Variants in SLC48A1 observed in about 807,000 individuals in gnomAD.
SLC48A1 encodes the protein solute carrier family 48 member 1.
A neutral mutation model predicts 14.8 loss-of-function variants in SLC48A1; 6 were observed. The observed-to-expected ratio is 0.41, with a 90% CI of 0.22 to 0.80. The LOEUF is 0.80. SLC48A1 is among the 30% of genes least tolerant of loss of function. The pLI is 0.34. For synonymous variants in SLC48A1, 89 were observed against 90.0 expected, an observed-to-expected ratio of 0.99 and a Z score of 0.06; for missense variants, 165 against 204.8, an observed-to-expected ratio of 0.81 and a Z score of 1.19.
chr12:47,757,650 T>TTTGGGC (rs1203544977), upstream of SLC48A1, among the ~76,000 whole-genome samples: 3 of 151,948 alleles, frequency 2.0e-5, no homozygotes, highest in Non-Finnish European at 4.4e-5. Flanking sequence ...AACAGAGACA[T>TTTGGGC]TTGGGCAGAA....
At chr12:47,773,489 G>T (rs1942672818) in intron 1 of SLC48A1, 49 bp downstream of exon 1, 3 of 1,286,136 alleles carry the variant, frequency 2.3e-6, no homozygotes, top group Non-Finnish European at 3.0e-6. Context: ...GCTGCGGGGC[G>T]GGCGCCGTCA....
At chr12:47,778,777 C>T (rs1474153285) in intron 1 of SLC48A1, 4 of 425,912 alleles carry the variant, frequency 9.4e-6, no homozygotes, top group Non-Finnish European at 1.7e-5. Context: ...TTTTCCAAAA[C>T]AAAATAAAAT....
chr12:47,772,147 G>T (rs1372583840), upstream of SLC48A1: 1 of 154,754 alleles, frequency 6.5e-6, no homozygotes, highest in Non-Finnish European at 1.5e-5. Flanking sequence ...TAATGCAAGG[G>T]GTATTGGTTA....
At chr12:47,775,258 G>C (rs1942721318) in intron 1 of SLC48A1, among the ~76,000 whole-genome samples, 2 of 152,184 alleles carry the variant, frequency 1.3e-5, no homozygotes, top group Admixed American at 6.5e-5. Flanking sequence ...CTAGGGAGTT[G>C]CCTGGGGTTT....
At chr12:47,771,644 A>G (rs977753548), upstream of SLC48A1, 5 of 152,390 alleles carry the variant, frequency 3.3e-5, no homozygotes, top group Non-Finnish European at 5.9e-5. Context: ...AGAAGCTGGA[A>G]AAGGCGGCCG....
chr12:47,760,990 A>G (rs1210331095), intron 2 of SLC48A1, among the ~76,000 whole-genome samples: 6 of 152,174 alleles, frequency 3.9e-5, no homozygotes, highest in Non-Finnish European at 7.3e-5. Context: ...TGAGGTCAGG[A>G]GTTCAAGACT....
upstream of SLC48A1, among the ~76,000 whole-genome samples, chr12:47,767,607 A>G (rs1942544013): frequency 1.3e-5 from 2 of 152,236 alleles, no homozygotes; most frequent in Non-Finnish European, 2.9e-5. Context: ...CAATAGGGAC[A>G]GCAGGAGTAG....
At chr12:47,762,538 T>A (rs1192334617) in intron 2 of SLC48A1, among the ~76,000 whole-genome samples, 2 of 152,184 alleles carry the variant, frequency 1.3e-5, no homozygotes, top group Non-Finnish European at 1.5e-5. Context: ...TTATGCCCCA[T>A]CCCCACTGCA....
At chr12:47,776,819 G>A (rs1347048960) in intron 1 of SLC48A1, among the ~76,000 whole-genome samples, 2 of 152,210 alleles carry the variant, frequency 1.3e-5, no homozygotes, top group African/African-American at 4.8e-5. Context: ...CTAAGAGATG[G>A]CATCTTCACA....
In SLC48A1 at chr12:47,777,754, G is replaced by T. The variant is rs116616106; in HGVS notation, c.137-1274G>T. Reference sequence around the variant, plus strand: ...TTATAACCCAGCCTGAGAAAACAGCGTAGATAAAATAGCATAGATTTCCCA... The same window carrying T: ...TTATAACCCAGCCTGAGAAAACAGCTTAGATAAAATAGCATAGATTTCCCA... On this transcript the variant is annotated intron_variant, in intron 1 of 2. Coordinates refer to ENST00000442218, the MANE Select transcript of SLC48A1 (RefSeq NM_017842.3). The surrounding 1 kb of genome is among the most constrained non-coding windows in gnomAD (Gnocchi z 4.5). Among the ~76,000 whole-genome samples, 1 of 152,184 alleles carries T rather than the reference G, an allele frequency of 6.6e-6. No homozygotes were observed. The highest frequency in any genetic ancestry group is 1.5e-5 in the Non-Finnish European group (1 of 68,030).
At chr12:47,754,774 G>A (rs1290246527), upstream of SLC48A1, among the ~76,000 whole-genome samples, 10 of 152,176 alleles carry the variant, frequency 6.6e-5, no homozygotes, top group African/African-American at 2.4e-4. Context: ...GTCAGTTTCA[G>A]GGTTCTCAGT....
intron 1 of SLC48A1, among the ~76,000 whole-genome samples, chr12:47,778,182 G>A (rs1006388685): frequency 1.3e-5 from 2 of 152,236 alleles, no homozygotes; most frequent in Non-Finnish European, 2.9e-5. Context: ...GTTTTGTATT[G>A]TATTGGCTGG....
rs2136862534 is a variant in SLC48A1 at position 47,773,519 on chromosome 12, C to T, written c.136+79C>T. On this transcript the variant is annotated intron_variant, in intron 1 of 2. Coordinates refer to ENST00000442218, the MANE Select transcript of SLC48A1 (RefSeq NM_017842.3). ...CCGTCAGCTGCTCCAGGACGCTCCC[C>T]GCGAGCGGCGCTTCCCCGCGGAGCG... 3 of 1,240,380 alleles carry T rather than the reference C, an allele frequency of 2.4e-6. No homozygotes were observed. The South Asian group carries it at 8.7e-5, about 36-fold the overall frequency. The allele number at this position is 1,240,380 out of a possible 1,614,324, so 76.8% of individuals were successfully genotyped here.
chr12:47,757,930 C>T (rs1565771782), upstream of SLC48A1: 6 of 1,556,664 alleles, frequency 3.9e-6, no homozygotes, highest in African/African-American at 1.4e-5. Flanking sequence ...GGAGCAGCTT[C>T]GGGGCCGGTG....
chr12:47,766,697 G>A (rs1197875200), upstream of SLC48A1, among the ~76,000 whole-genome samples: 1 of 151,884 alleles, frequency 6.6e-6, no homozygotes, highest in Non-Finnish European at 1.5e-5. Flanking sequence ...TGCTTTCTTA[G>A]CTCCTGAGTT....
rs1565784900 is a variant in SLC48A1 at position 47,781,744 on chromosome 12, AG to A, written c.*1464del. On this transcript the variant is annotated 3_prime_UTR_variant, in exon 3 of 3. Coordinates refer to ENST00000442218, the MANE Select transcript of SLC48A1 (RefSeq NM_017842.3). ...CTTTGGGAGGAGTGGGCAGGGAGGG[AG>A]TGGTAGTGGCAGTTCTCGAGCTATC... 1 of 152,502 alleles carries A rather than the reference AG, an allele frequency of 6.6e-6. No homozygotes were observed. The highest frequency in any genetic ancestry group is 2.4e-5 in the African/African-American group (1 of 41,358). 9.4% of individuals were successfully genotyped at this position (152,502 alleles called of 1,614,324 possible). A position where few individuals can be genotyped will look rare whatever the true frequency, so the allele number is the denominator to read the frequency against.
chr12:47,757,145 A>G (rs1942120885), upstream of SLC48A1, among the ~76,000 whole-genome samples: 2 of 152,292 alleles, frequency 1.3e-5, no homozygotes, highest in Non-Finnish European at 1.5e-5. Flanking sequence ...CAGTGGAGAC[A>G]TAACTGAATC....
At chr12:47,754,969 C>T (rs1286482474), upstream of SLC48A1, among the ~76,000 whole-genome samples, 3 of 152,234 alleles carry the variant, frequency 2.0e-5, no homozygotes, top group African/African-American at 7.2e-5. Context: ...GAGACAGGCA[C>T]AGAGCCAGAC....
At chr12:47,770,423 T>A (rs1450933789), upstream of SLC48A1, among the ~76,000 whole-genome samples, 2 of 152,256 alleles carry the variant, frequency 1.3e-5, no homozygotes, top group African/African-American at 4.8e-5. Flanking sequence ...TCTCTCTGCT[T>A]CTGCCTGGAC....
Sources: gnomAD v4.1 joint callset for allele counts (sites outside exome capture counted in the v4.1 genomes callset) on GRCh38, gnomAD v4.1.1 for gene constraint, Gnocchi (gnomAD v3.1) non-coding constraint, MANE v1.5 for transcripts, NCBI Gene and HGNC (gene_info 2026-07-23, HGNC 2026-07-21) for gene names.